The following SMIM13 variants were observed in gnomAD, a reference collection of about 807,000 sequenced individuals.
SMIM13 encodes the protein UPF0766 protein C6orf228.
Under a neutral mutation model 5.9 loss-of-function variants are expected in SMIM13, and 3 were observed. That is an observed-to-expected ratio of 0.51 (90% CI 0.23 to 1.31). SMIM13 has a LOEUF of 1.31. SMIM13 is among the 40% of genes most tolerant of loss of function. The pLI, the probability that SMIM13 is intolerant of heterozygous loss-of-function variation, is 0.18. For missense variants in SMIM13, 85 were observed against 109.9 expected (o/e 0.77, Z 1.01); for synonymous variants, 55 against 46.0 (o/e 1.19, Z -0.79).
At chr6:11,116,911 G>C (rs1758246180) in intron 1 of SMIM13, among the ~76,000 whole-genome samples, 1 of 151,182 alleles carries the variant, frequency 6.6e-6, no homozygotes, top group South Asian at 2.1e-4. Context: ...GTTTCTTATG[G>C]GGAAATCTTG....
Position 11,137,086 on chromosome 6 carries a change from A to G in SMIM13, c.*2484A>G, listed in dbSNP as rs1342468228. On this transcript the variant is annotated 3_prime_UTR_variant, in exon 2 of 2. Transcript: ENST00000416247. ...AATTAATACAGGTTAACCTTTGTAG[A>G]GGTATATATGTTGGCATTATTTATT... is the stretch of plus-strand genomic sequence containing the variant. 1 of 152,114 alleles carries G rather than the reference A, an allele frequency of 6.6e-6. No homozygotes were observed. The highest frequency in any genetic ancestry group is 1.5e-5 in the Non-Finnish European group (1 of 67,994). 9.4% of individuals were successfully genotyped at this position (152,114 alleles called of 1,614,324 possible). A position where few individuals can be genotyped will look rare whatever the true frequency, so the allele number is the denominator to read the frequency against.
intron 1 of SMIM13, among the ~76,000 whole-genome samples, chr6:11,117,217 G>A (rs1322505854): frequency 6.9e-6 from 1 of 144,190 alleles, no homozygotes; most frequent in African/African-American, 2.6e-5. Flanking sequence ...AGGCTGGAGT[G>A]CAGTGGCGGG....
intron 1 of SMIM13, chr6:11,103,870 A>C: frequency 1.9e-6 from 3 of 1,551,742 alleles, no homozygotes; most frequent in Non-Finnish European, 2.6e-6. Context: ...AGAACCCAAG[A>C]GAACCATTTC....
chr6:11,118,120 C>T (rs1223391563), intron 1 of SMIM13, among the ~76,000 whole-genome samples: 2 of 152,234 alleles, frequency 1.3e-5, no homozygotes, highest in African/African-American at 4.8e-5. Context: ...ATCTGCCCAC[C>T]TCAGCCTTCT....
At chr6:11,111,121 C>T (rs1220917828) in intron 1 of SMIM13, among the ~76,000 whole-genome samples, 2 of 152,156 alleles carry the variant, frequency 1.3e-5, no homozygotes, top group East Asian at 1.9e-4. Flanking sequence ...AAGGGACATC[C>T]GTAAGGGAGT....
rs1581923791 is a variant in SMIM13 at position 11,136,135 on chromosome 6, T to C, written c.*1533T>C. 1 of 152,192 alleles carries C rather than the reference T, an allele frequency of 6.6e-6. No homozygotes were observed. The highest frequency in any genetic ancestry group is 1.5e-5 in the Non-Finnish European group (1 of 68,034). 9.4% of individuals were successfully genotyped at this position (152,192 alleles called of 1,614,324 possible). A position where few individuals can be genotyped will look rare whatever the true frequency, so the allele number is the denominator to read the frequency against. On this transcript the variant is annotated 3_prime_UTR_variant, in exon 2 of 2. Transcript: ENST00000416247. ...CCCTTTGTATAGGAGGACTTTATGC[T>C]CAAGGAATGTGTTGTGGAGAAAAAC...
intron 1 of SMIM13, among the ~76,000 whole-genome samples, chr6:11,124,972 AGCATTTTAAATAT>A (rs910105818): frequency 1.3e-4 from 20 of 152,132 alleles, no homozygotes; most frequent in Admixed American, 3.9e-4. Context: ...TTTTTCCTTT[AGCATTTTAAATAT>A]GCCATGCCAT....
chr6:11,122,167 A>C (rs1561758389), intron 1 of SMIM13, among the ~76,000 whole-genome samples: 1 of 152,230 alleles, frequency 6.6e-6, no homozygotes, highest in Non-Finnish European at 1.5e-5. Flanking sequence ...GCTTAAAAAA[A>C]ATGAATAAGC....
At position 11,103,581 on chromosome 6, in the gene SMIM13, A is replaced by G. The variant is rs567148053; in HGVS notation, c.76+9192A>G. 30 of 1,419,426 alleles carry G rather than the reference A, an allele frequency of 2.1e-5. No individual in the cohort carries two copies. The South Asian group carries it at 4.1e-4, about 19-fold the overall frequency. The allele number at this position is 1,419,426 out of a possible 1,614,324, so 87.9% of individuals were successfully genotyped here. On this transcript the variant is annotated intron_variant, in intron 1 of 1. Coordinates refer to ENST00000416247, the MANE Select transcript of SMIM13 (RefSeq NM_001135575.2). ...GGGTCTTGGCCTCTTGCTAGCTGTC[A>G]GGGCAGGATGGCTCTGTGGATTGGC...
At chr6:11,130,253 T>TAA (rs35012412) in intron 1 of SMIM13, among the ~76,000 whole-genome samples, 9,141 of 139,508 alleles carry the variant, frequency 0.066, 933 homozygotes, top group African/African-American at 0.23. Context: ...GTAGTCATTG[T>TAA]AAAAAAAAAA....
intron 1 of SMIM13, among the ~76,000 whole-genome samples, chr6:11,114,921 T>C (rs1758218077): frequency 6.6e-6 from 1 of 152,152 alleles, no homozygotes; most frequent in Admixed American, 6.5e-5. Flanking sequence ...CTTTTAAGTC[T>C]GTTAATATGG....
At chr6:11,118,274 G>A (rs1239894250) in intron 1 of SMIM13, among the ~76,000 whole-genome samples, 1 of 152,158 alleles carries the variant, frequency 6.6e-6, no homozygotes, top group Non-Finnish European at 1.5e-5. Flanking sequence ...GTTTGGTTGA[G>A]GGTTGTTTGG....
intron 1 of SMIM13, among the ~76,000 whole-genome samples, chr6:11,114,788 C>T (rs185577539): frequency 8.6e-4 from 130 of 151,340 alleles, no homozygotes; most frequent in East Asian, 7.8e-3. Flanking sequence ...TTAGTAGAGA[C>T]GGGGTTTCAC....
chr6:11,131,830 A>G (rs1467962625), intron 1 of SMIM13, among the ~76,000 whole-genome samples: 3 of 152,180 alleles, frequency 2.0e-5, no homozygotes, highest in Non-Finnish European at 2.9e-5. Context: ...GAAGAACTAC[A>G]TAGATGTAAA....
intron 1 of SMIM13, among the ~76,000 whole-genome samples, chr6:11,110,781 G>A (rs1758155188): frequency 6.6e-6 from 1 of 152,182 alleles, no homozygotes; most frequent in African/African-American, 2.4e-5. Flanking sequence ...TTGATATAAA[G>A]GAGGAACCTC....
chr6:11,106,646 G>GGA (rs1345899315), intron 1 of SMIM13, among the ~76,000 whole-genome samples: 2 of 152,184 alleles, frequency 1.3e-5, no homozygotes, highest in African/African-American at 4.8e-5. Flanking sequence ...TTAATGTATT[G>GGA]GAGAGAGAGC....
intron 1 of SMIM13, among the ~76,000 whole-genome samples, chr6:11,095,819 A>G (rs577718871): frequency 1.3e-5 from 2 of 152,196 alleles, no homozygotes; most frequent in Non-Finnish European, 2.9e-5. Flanking sequence ...CTAATTGTAG[A>G]TGTTTAAGGT....
chr6:11,124,368 T>TACC, intron 1 of SMIM13, among the ~76,000 whole-genome samples: 1 of 152,350 alleles, frequency 6.6e-6, no homozygotes, highest in Non-Finnish European at 1.5e-5. Context: ...TGTGTGTATG[T>TACC]ACCACATTTT....
intron 1 of SMIM13, among the ~76,000 whole-genome samples, chr6:11,127,937 A>G (rs1348457429): frequency 6.6e-6 from 1 of 152,130 alleles, no homozygotes; most frequent in African/African-American, 2.4e-5. Flanking sequence ...TCTGGCCCAG[A>G]GCAGGTCCAG....
Sources: allele counts gnomAD v4.1 joint callset (sites outside exome capture counted in the v4.1 genomes callset), GRCh38; gene constraint gnomAD v4.1.1; transcripts MANE v1.5; gene names NCBI Gene and HGNC (gene_info 2026-07-23, HGNC 2026-07-21).